Variants in SGCD observed in about 807,000 individuals in gnomAD.
SGCD encodes delta-sarcoglycan.
A neutral mutation model predicts 36.6 loss-of-function variants in SGCD; 18 were observed. The observed-to-expected ratio is 0.49, with a 90% CI of 0.34 to 0.73. The LOEUF is 0.73. SGCD is among the 30% of genes least tolerant of loss of function. The pLI, the probability that SGCD is intolerant of heterozygous loss-of-function variation, is 0.01. For missense variants in SGCD, 387 were observed against 346.7 expected (o/e 1.12, Z -0.92); for synonymous variants, 133 against 130.6 (o/e 1.02, Z -0.12).
At chr5:155,939,285 G>A (rs1449173718) in intron 1 of SGCD, among the ~76,000 whole-genome samples, 1 of 152,066 alleles carries the variant, frequency 6.6e-6, no homozygotes, top group Non-Finnish European at 1.5e-5. Context: ...TCCACTATGT[G>A]TACATATTTC....
At chr5:156,345,188 C>G (rs1768884490) in intron 3 of SGCD, among the ~76,000 whole-genome samples, 1 of 151,828 alleles carries the variant, frequency 6.6e-6, no homozygotes, top group Non-Finnish European at 1.5e-5. Context: ...GGACGATCCT[C>G]TTTGCCACTA....
At chr5:155,799,480 G>A in the SGCD span, among the ~76,000 whole-genome samples, 5 of 149,934 alleles carry the variant, frequency 3.3e-5, no homozygotes, top group East Asian at 2.0e-4. Context: ...TGCAACCTTC[G>A]TCTCCCTTGT....
intron 7 of SGCD, among the ~76,000 whole-genome samples, chr5:156,748,472 A>G (rs1387711433): frequency 1.3e-5 from 2 of 152,330 alleles, no homozygotes; most frequent in East Asian, 3.9e-4. Context: ...TGTCCAAGGC[A>G]AATAACAGAA....
chr5:156,447,695 T>A (rs1753804409), intron 3 of SGCD, among the ~76,000 whole-genome samples: 1 of 152,044 alleles, frequency 6.6e-6, no homozygotes, highest in Non-Finnish European at 1.5e-5. Context: ...AAATAGCTAA[T>A]GCACGCAGGG....
intron 6 of SGCD, among the ~76,000 whole-genome samples, chr5:156,646,515 G>A (rs1763231345): frequency 6.6e-6 from 1 of 152,118 alleles, no homozygotes; most frequent in African/African-American, 2.4e-5. Context: ...CCATTCAAAA[G>A]CATGTTCTTT....
At chr5:156,584,197 C>T (rs1011572206) in intron 4 of SGCD, among the ~76,000 whole-genome samples, 1 of 152,162 alleles carries the variant, frequency 6.6e-6, no homozygotes, top group African/African-American at 2.4e-5. Flanking sequence ...ATACCAAGCT[C>T]TTTTTTGCAG....
chr5:156,458,388 G>C (rs1226619828), intron 3 of SGCD: 1 of 1,544,566 alleles, frequency 6.5e-7, no homozygotes, highest in African/African-American at 1.4e-5. Flanking sequence ...TACCAAAAAG[G>C]AAAACTTACT....
intron 3 of SGCD, among the ~76,000 whole-genome samples, chr5:156,197,849 A>G (rs930559303): frequency 1.3e-5 from 2 of 152,120 alleles, no homozygotes; most frequent in East Asian, 1.9e-4. Flanking sequence ...ATGGGGTACA[A>G]TGTGATGTTT....
At chr5:155,786,485 C>CG in the SGCD span, among the ~76,000 whole-genome samples, 3 of 151,892 alleles carry the variant, frequency 2.0e-5, no homozygotes, top group Non-Finnish European at 2.9e-5. Flanking sequence ...AGAGATTAAT[C>CG]GGGGTATTTA....
chr5:156,694,852 G>A (rs1309425200), intron 7 of SGCD, among the ~76,000 whole-genome samples: 6 of 152,040 alleles, frequency 3.9e-5, no homozygotes, highest in Non-Finnish European at 5.9e-5. Context: ...CTTGGATTTA[G>A]CCTTTTCATG....
chr5:156,077,083 C>T (rs545586255), intron 1 of SGCD, among the ~76,000 whole-genome samples: 1 of 152,236 alleles, frequency 6.6e-6, no homozygotes, highest in Non-Finnish European at 1.5e-5. Flanking sequence ...TCCCTCATTT[C>T]TTTTACGTTT....
chr5:155,737,690 C>T, the SGCD span, among the ~76,000 whole-genome samples: 20 of 148,874 alleles, frequency 1.3e-4, no homozygotes, highest in South Asian at 8.6e-4. Flanking sequence ...AACTCAGGCT[C>T]ATGACACCCA....
chr5:156,643,902 T>A (rs1007144177), intron 6 of SGCD, among the ~76,000 whole-genome samples: 21 of 152,298 alleles, frequency 1.4e-4, no homozygotes, highest in African/African-American at 4.8e-4. Context: ...ATCAGATATT[T>A]TAACTCTGCC....
At chr5:156,569,061 T>A (rs963394179) in intron 4 of SGCD, among the ~76,000 whole-genome samples, 12 of 151,466 alleles carry the variant, frequency 7.9e-5, no homozygotes, top group African/African-American at 2.7e-4. Context: ...GATGTGCTCT[T>A]ACTGTAGTGG....
At chr5:156,324,152 A>G (rs1767744653), upstream of SGCD, among the ~76,000 whole-genome samples, 1 of 152,220 alleles carries the variant, frequency 6.6e-6, no homozygotes, top group African/African-American at 2.4e-5. Context: ...TGGTTCCAAG[A>G]ACATTTGAGG....
intron 1 of SGCD, among the ~76,000 whole-genome samples, chr5:155,982,833 A>G (rs1176567337): frequency 2.0e-5 from 3 of 152,150 alleles, no homozygotes; most frequent in Non-Finnish European, 4.4e-5. Flanking sequence ...AGTATTTCAA[A>G]TGCCAGCATT....
chr5:156,206,544 C>T (rs1270394070), intron 3 of SGCD, among the ~76,000 whole-genome samples: 5 of 151,948 alleles, frequency 3.3e-5, no homozygotes, highest in Non-Finnish European at 5.9e-5. Flanking sequence ...TTAAATGTGG[C>T]CAGTCTGATC....
At chr5:156,532,750 C>T (rs953375544) in intron 4 of SGCD, among the ~76,000 whole-genome samples, 1 of 152,200 alleles carries the variant, frequency 6.6e-6, no homozygotes, top group Non-Finnish European at 1.5e-5. Context: ...CGTGAGCCAC[C>T]AAGTCTGCCT....
At chr5:155,994,362 T>A (rs1277272391) in intron 1 of SGCD, among the ~76,000 whole-genome samples, 1 of 152,224 alleles carries the variant, frequency 6.6e-6, no homozygotes, top group African/African-American at 2.4e-5. Flanking sequence ...TAGTACCTGA[T>A]AAATGCAAAT....
Sources: gnomAD v4.1 joint callset for allele counts (sites outside exome capture counted in the v4.1 genomes callset) on GRCh38, gnomAD v4.1.1 for gene constraint, MANE v1.5 for transcripts, NCBI Gene and HGNC (gene_info 2026-07-23, HGNC 2026-07-21) for gene names.